PARVB: variants seen among roughly 807,000 people sequenced by gnomAD.
PARVB encodes the protein parvin beta.
In PARVB, 46 loss-of-function variants were observed where a neutral mutation model predicts 47.0. The observed-to-expected ratio is 0.98, with a 90% CI of 0.77 to 1.25. The LOEUF (loss-of-function observed/expected upper bound fraction) is 1.25, where lower values mean the gene tolerates loss of function less well. PARVB is among the 50% of genes most tolerant of loss of function. PARVB has a pLI of 0.00. For synonymous variants in PARVB, 196 were observed against 196.3 expected, an observed-to-expected ratio of 1.00 and a Z score of 0.01; for missense variants, 473 against 471.6, an observed-to-expected ratio of 1.00 and a Z score of -0.03.
intron 8 of PARVB, 48 bp from the exon 9 acceptor site, chr22:44,147,813 A>G (rs2147138567): frequency 1.3e-6 from 2 of 1,540,894 alleles, no homozygotes; most frequent in Non-Finnish European, 1.8e-6. Flanking sequence ...GGGCAGCACC[A>G]CGGGTTTCCA....
At chr22:44,073,972 C>A (rs1435445171) in intron 1 of PARVB, among the ~76,000 whole-genome samples, 1 of 152,264 alleles carries the variant, frequency 6.6e-6, no homozygotes, top group African/African-American at 2.4e-5. Context: ...TTGGTGGACA[C>A]CTACCGAGGA....
intron 1 of PARVB, among the ~76,000 whole-genome samples, chr22:44,046,763 A>G (rs905609167): frequency 6.6e-6 from 1 of 152,244 alleles, no homozygotes; most frequent in African/African-American, 2.4e-5. Context: ...TGTTCCCACC[A>G]GTGTCTCTGT....
chr22:44,119,919 A>G (rs2147127038), intron 4 of PARVB: 1 of 499,314 alleles, frequency 2.0e-6, no homozygotes, highest in Non-Finnish European at 4.1e-6. Context: ...GTTGCCAGGC[A>G]AAGAACGGAA....
At chr22:44,162,246 G>A (rs1056354014) in intron 11 of PARVB, among the ~76,000 whole-genome samples, 1 of 152,272 alleles carries the variant, frequency 6.6e-6, no homozygotes, top group African/African-American at 2.4e-5. Context: ...TACATTGCAA[G>A]TAAAATTGTT....
intron 1 of PARVB, among the ~76,000 whole-genome samples, chr22:44,055,656 A>ATC (rs3083345): frequency 1.4e-3 from 203 of 148,366 alleles, no homozygotes; most frequent in East Asian, 6.0e-3. Context: ...GTCTCTATCC[A>ATC]TCTCTCTCTC....
At chr22:44,030,671 C>T (rs2050809796) in intron 1 of PARVB, among the ~76,000 whole-genome samples, 1 of 152,104 alleles carries the variant, frequency 6.6e-6, no homozygotes, top group Non-Finnish European at 1.5e-5. Flanking sequence ...GCAGGCGTGG[C>T]TGTGATTTCC....
intron 1 of PARVB, among the ~76,000 whole-genome samples, chr22:44,070,792 G>T (rs754669975): frequency 1.1e-4 from 16 of 152,214 alleles, no homozygotes; most frequent in Admixed American, 5.2e-4. Flanking sequence ...CTGGAGGAGG[G>T]TAGACCCTGC....
At chr22:44,060,640 C>T (rs925950794) in intron 1 of PARVB, among the ~76,000 whole-genome samples, 6 of 151,942 alleles carry the variant, frequency 3.9e-5, no homozygotes, top group Admixed American at 1.3e-4. Context: ...GGAATACACC[C>T]GGGTTCTTTG....
intron 2 of PARVB, chr22:44,010,629 G>A (rs1346023745): frequency 6.6e-6 from 1 of 152,098 alleles, no homozygotes; most frequent in Non-Finnish European, 1.5e-5. Flanking sequence ...TTCAAACATC[G>A]GTTTTTGGTG....
intron 1 of PARVB, among the ~76,000 whole-genome samples, chr22:44,077,673 C>T (rs2051807689): frequency 6.6e-6 from 1 of 152,090 alleles, no homozygotes; most frequent in Admixed American, 6.5e-5. Context: ...GATTGGAGAA[C>T]CACACGTCAT....
rs368895186 is a variant in PARVB, at chr22:44,038,322, G to A, written c.112+13871G>A. Among the ~76,000 whole-genome samples the A allele has an allele frequency of 8.5e-5, 13 of 152,310 alleles. No homozygotes were observed. The East Asian group carries it at 1.7e-3, about 20-fold the overall frequency. On this transcript the variant is annotated intron_variant, in intron 1 of 12. Coordinates refer to ENST00000338758, the MANE Select transcript of PARVB (RefSeq NM_013327.5). Reference sequence around the variant, plus strand: ...TAGTGGTTAGGGTGACTGCTCTTGAGGCCAGACTGCATGGGCTTGAACTGA... The same window carrying A: ...TAGTGGTTAGGGTGACTGCTCTTGAAGCCAGACTGCATGGGCTTGAACTGA...
At chr22:44,147,564 C>T in intron 8 of PARVB, 2 of 512,836 alleles carry the variant, frequency 3.9e-6, no homozygotes, top group Admixed American at 2.4e-5. Context: ...GGTGCAGATG[C>T]CAGATGCCAT....
At chr22:44,160,482 G>C (rs929919246) in intron 11 of PARVB, among the ~76,000 whole-genome samples, 14 of 152,230 alleles carry the variant, frequency 9.2e-5, no homozygotes, top group Admixed American at 2.6e-4. Flanking sequence ...GCTCGAAGCA[G>C]GTGTGTATAT....
intron 1 of PARVB, among the ~76,000 whole-genome samples, chr22:44,064,267 G>A (rs11090622): frequency 0.31 from 47,021 of 152,170 alleles, 7,451 homozygotes; most frequent in South Asian, 0.38. Context: ...AAGCGTGGCC[G>A]TGGGGCCTTG....
intron 8 of PARVB, 113 bp downstream of exon 8, chr22:44,140,256 C>A (rs2053525330): frequency 1.9e-6 from 2 of 1,032,576 alleles, no homozygotes; most frequent in African/African-American, 1.6e-5. Context: ...ATGGGTCTCA[C>A]TGCCCCCATA....
At chr22:44,052,910 C>A (rs2051237506) in intron 1 of PARVB, among the ~76,000 whole-genome samples, 1 of 151,930 alleles carries the variant, frequency 6.6e-6, no homozygotes, top group South Asian at 2.1e-4. Context: ...GCCACTGCAC[C>A]CCAGCCTGGG....
At chr22:44,060,412 T>A (rs545818518) in intron 1 of PARVB, among the ~76,000 whole-genome samples, 1 of 152,122 alleles carries the variant, frequency 6.6e-6, no homozygotes, top group African/African-American at 2.4e-5. Context: ...TAGGAAACTT[T>A]TAAATGTTTG....
Position 44,132,791 on chromosome 22 carries a change from T to G in PARVB, c.518-103T>G, listed in dbSNP as rs912405880. ...ACACTTCGCTCCATCCTTGTCTCGCTGGGGTCTCATTTAGATGCTGTGTCT... is the reference window on the plus strand; with the variant it reads ...ACACTTCGCTCCATCCTTGTCTCGCGGGGGTCTCATTTAGATGCTGTGTCT... On this transcript the variant is annotated intron_variant, in intron 5 of 12. Coordinates refer to ENST00000338758, the MANE Select transcript of PARVB (RefSeq NM_013327.5). 9 of 708,476 alleles carry G rather than the reference T, an allele frequency of 1.3e-5. No individual in the cohort carries two copies. The African/African-American group carries it at 1.6e-4, about 13-fold the overall frequency. 43.9% of individuals were successfully genotyped at this position (708,476 alleles called of 1,614,324 possible).
At chr22:44,145,089 T>C (rs13056117) in intron 8 of PARVB, 47,638 of 151,936 alleles carry the variant, frequency 0.31, 7,720 homozygotes, top group East Asian at 0.56. Context: ...GCGGAGGCTC[T>C]GGGGGACAGG....
Sources: allele counts gnomAD v4.1 joint callset (sites outside exome capture counted in the v4.1 genomes callset), GRCh38; gene constraint gnomAD v4.1.1; transcripts MANE v1.5; gene names NCBI Gene and HGNC (gene_info 2026-07-23, HGNC 2026-07-21).